ABTB2: variants seen among roughly 807,000 people sequenced by gnomAD.
ABTB2 encodes ankyrin repeat and BTB domain containing 2, also known as ankyrin repeat and BTB/POZ domain-containing protein 2.
In ABTB2, 56 loss-of-function variants were observed where a neutral mutation model predicts 104.1. That is an observed-to-expected ratio of 0.54 (90% CI 0.43 to 0.67). The LOEUF (loss-of-function observed/expected upper bound fraction) is 0.67. ABTB2 is among the 30% of genes least tolerant of loss of function. ABTB2 has a pLI of 0.00. For synonymous variants in ABTB2, 606 were observed against 608.2 expected (o/e 1.00, Z 0.05); for missense variants, 1,279 against 1,407.7 (o/e 0.91, Z 1.46).
intron 1 of ABTB2, among the ~76,000 whole-genome samples, chr11:34,223,022 C>T (rs1853643966): frequency 6.6e-6 from 1 of 152,154 alleles, no homozygotes; most frequent in Non-Finnish European, 1.5e-5. Flanking sequence ...TAAACTGAAA[C>T]TTTGGGCTTT....
At chr11:34,271,165 T>A (rs886708519) in intron 1 of ABTB2, among the ~76,000 whole-genome samples, 2 of 152,142 alleles carry the variant, frequency 1.3e-5, no homozygotes, top group Non-Finnish European at 2.9e-5. Context: ...TCAAGACAGG[T>A]CCAGCCCAGG....
intron 1 of ABTB2, among the ~76,000 whole-genome samples, chr11:34,239,741 G>A (rs752959593): frequency 1.3e-5 from 2 of 152,168 alleles, no homozygotes; most frequent in African/African-American, 2.4e-5. Flanking sequence ...ACCACAGTAC[G>A]AGGTAAGCCC....
intron 1 of ABTB2, among the ~76,000 whole-genome samples, chr11:34,352,764 A>T (rs1484777919): frequency 6.6e-6 from 1 of 152,228 alleles, no homozygotes; most frequent in African/African-American, 2.4e-5. Flanking sequence ...TAAATGGCAA[A>T]GTTGTGTATG....
chr11:34,196,188 G>T lies in ABTB2; in HGVS notation c.1244+1137C>A, dbSNP rs116990313. Among the ~76,000 whole-genome samples the T allele has an allele frequency of 3.8e-3, 577 of 152,274 alleles. 2 individuals are homozygous for T. The highest frequency in any genetic ancestry group is 6.3e-3 in the Non-Finnish European group (429 of 68,030). On this transcript the variant is annotated intron_variant, in intron 3 of 16. Coordinates refer to ENST00000435224, the MANE Select transcript of ABTB2 (RefSeq NM_145804.3). ...CCAGCATATACAATGTTTGGTACGA[G>T]TTATAAAAAAAATATTATATTTTCC... is the stretch of plus-strand genomic sequence containing the variant.
intron 3 of ABTB2, among the ~76,000 whole-genome samples, chr11:34,190,605 G>A (rs1475542220): frequency 1.3e-5 from 2 of 152,210 alleles, no homozygotes; most frequent in Admixed American, 1.3e-4. Flanking sequence ...GTCTGTGAAT[G>A]TGTGCTCTAT....
At chr11:34,235,015 G>T (rs1008208663) in intron 1 of ABTB2, among the ~76,000 whole-genome samples, 1 of 152,094 alleles carries the variant, frequency 6.6e-6, no homozygotes, top group Non-Finnish European at 1.5e-5. Context: ...CCGCCACGGC[G>T]CCTGGCTAAT....
chr11:34,152,414 G>A lies in ABTB2; in HGVS notation c.3051C>T (p.His1017=). 2 of 1,581,444 alleles carry A rather than the reference G, an allele frequency of 1.3e-6. No individual in the cohort carries two copies. The highest frequency in any genetic ancestry group is 1.7e-6 in the Non-Finnish European group (2 of 1,164,944). The change falls in exon 17 of 17, where the codon CAC becomes CAT. Residue 1017 remains histidine (H), a synonymous_variant. Coordinates refer to ENST00000435224, the MANE Select transcript of ABTB2 (RefSeq NM_145804.3). The part of the protein sequence containing the change: ...DLQNTLAERV[H]SVYITSRV ...ACACCCGGGAGGTGATGTAGACAGA[G>A]TGCACGCGCTCTGCCAGGGTGTTCT...
chr11:34,241,808 C>G (rs772392358), intron 1 of ABTB2, among the ~76,000 whole-genome samples: 4 of 152,210 alleles, frequency 2.6e-5, no homozygotes, highest in Non-Finnish European at 5.9e-5. Context: ...CCTTTTCATT[C>G]TAACATGTAA....
At chr11:34,184,175 G>C (rs1302440485) in intron 3 of ABTB2, among the ~76,000 whole-genome samples, 1 of 152,110 alleles carries the variant, frequency 6.6e-6, no homozygotes, top group Non-Finnish European at 1.5e-5. Flanking sequence ...GAAAGGGGGA[G>C]CTGCTTCGTC....
intron 1 of ABTB2, among the ~76,000 whole-genome samples, chr11:34,236,853 C>T (rs1374381113): frequency 1.3e-5 from 2 of 152,200 alleles, no homozygotes; most frequent in Non-Finnish European, 2.9e-5. Context: ...TTGGGTGTGC[C>T]CAGCCATCTG....
intron 1 of ABTB2, among the ~76,000 whole-genome samples, chr11:34,339,682 A>T (rs900698576): frequency 1.3e-5 from 2 of 152,172 alleles, no homozygotes; most frequent in Non-Finnish European, 2.9e-5. Context: ...TCTCGGTGCC[A>T]TTTGGATTCC....
At chr11:34,258,661 G>A (rs1164105253) in intron 1 of ABTB2, among the ~76,000 whole-genome samples, 1 of 145,088 alleles carries the variant, frequency 6.9e-6, no homozygotes, top group South Asian at 2.2e-4. Flanking sequence ...GCCTAGGCTG[G>A]AGTGCAGCAG....
intron 1 of ABTB2, among the ~76,000 whole-genome samples, chr11:34,348,740 G>A (rs1459044138): frequency 6.6e-6 from 1 of 152,146 alleles, no homozygotes; most frequent in Non-Finnish European, 1.5e-5. Flanking sequence ...AGGATTAAAT[G>A]AAACAGCTCC....
At chr11:34,222,655 G>A (rs997226750) in intron 1 of ABTB2, among the ~76,000 whole-genome samples, 1 of 152,220 alleles carries the variant, frequency 6.6e-6, no homozygotes, top group African/African-American at 2.4e-5. Flanking sequence ...TGCAGTGCCT[G>A]TGGATAACAG....
chr11:34,281,911 G>A (rs1463929927), intron 1 of ABTB2, among the ~76,000 whole-genome samples: 3 of 151,996 alleles, frequency 2.0e-5, no homozygotes. Flanking sequence ...TATAACAGAG[G>A]ACAAATAAAC....
chr11:34,320,366 G>A (rs999176662), intron 1 of ABTB2, among the ~76,000 whole-genome samples: 1 of 152,196 alleles, frequency 6.6e-6, no homozygotes, highest in African/African-American at 2.4e-5. Flanking sequence ...GGGAATTGAA[G>A]TCAGAAGGCA....
intron 1 of ABTB2, among the ~76,000 whole-genome samples, chr11:34,218,399 C>T (rs12418582): frequency 0.21 from 31,551 of 151,866 alleles, 3,637 homozygotes; most frequent in African/African-American, 0.31. Context: ...AGATTTTTTT[C>T]CCCATGTTAT....
intron 1 of ABTB2, among the ~76,000 whole-genome samples, chr11:34,308,361 T>A (rs1274064888): frequency 6.6e-6 from 1 of 152,216 alleles, no homozygotes; most frequent in Non-Finnish European, 1.5e-5. Context: ...CAGCAAGAAA[T>A]GACAGCTAAC....
At chr11:34,182,093 A>G (rs986357000) in intron 3 of ABTB2, among the ~76,000 whole-genome samples, 34 of 152,236 alleles carry the variant, frequency 2.2e-4, no homozygotes, top group African/African-American at 8.2e-4. Flanking sequence ...GGCTCCACGA[A>G]CAGACTTCTT....
Sources: allele counts gnomAD v4.1 joint callset (sites outside exome capture counted in the v4.1 genomes callset), GRCh38; gene constraint gnomAD v4.1.1; transcripts MANE v1.5; gene names NCBI Gene and HGNC (gene_info 2026-07-23, HGNC 2026-07-21).